WWOX: variants seen among roughly 807,000 people sequenced by gnomAD.
WWOX encodes the protein WW domain-containing oxidoreductase.
WWOX carries 69 observed loss-of-function variants against 46.2 expected under a neutral mutation model. That is an observed-to-expected ratio of 1.49 (90% CI 1.23 to 1.82). The LOEUF is 1.82. WWOX is among the 40% of genes most tolerant of loss of function. The pLI is 0.00. For synonymous variants in WWOX, 359 were observed against 202.6 expected, an observed-to-expected ratio of 1.77 and a Z score of -6.56; for missense variants, 919 against 542.6, an observed-to-expected ratio of 1.69 and a Z score of -6.89.
At chr16:78,357,998 G>T (rs1282888189) in intron 5 of WWOX, among the ~76,000 whole-genome samples, 3 of 152,182 alleles carry the variant, frequency 2.0e-5, no homozygotes, top group Non-Finnish European at 4.4e-5. Context: ...CGGAGATGTG[G>T]AGCTGTGCAT....
At chr16:78,632,371 G>T (rs142795395) in intron 8 of WWOX, among the ~76,000 whole-genome samples, 1 of 152,110 alleles carries the variant, frequency 6.6e-6, no homozygotes, top group Non-Finnish European at 1.5e-5. Flanking sequence ...AGTCATTATT[G>T]AGTTATTCCG....
chr16:78,160,096 C>G (rs2034742035), intron 4 of WWOX, among the ~76,000 whole-genome samples: 2 of 151,818 alleles, frequency 1.3e-5, no homozygotes, highest in South Asian at 4.2e-4. Context: ...TTCCATCGTT[C>G]TGCTTTCTTT....
At chr16:78,978,790 A>G (rs75592564) in intron 8 of WWOX, among the ~76,000 whole-genome samples, 4,932 of 152,160 alleles carry the variant, frequency 0.032, 269 homozygotes, top group African/African-American at 0.11. Flanking sequence ...GATACTGCTA[A>G]ATCATTTATG....
At chr16:78,962,583 A>G (rs1297412808) in intron 8 of WWOX, among the ~76,000 whole-genome samples, 9 of 152,140 alleles carry the variant, frequency 5.9e-5, no homozygotes, top group African/African-American at 1.2e-4. Context: ...GTGCCCAGAA[A>G]GAATGCCTGG....
intron 8 of WWOX, among the ~76,000 whole-genome samples, chr16:78,794,738 A>C (rs1484105638): frequency 6.6e-6 from 1 of 152,230 alleles, no homozygotes; most frequent in Non-Finnish European, 1.5e-5. Context: ...TATCAGAGTG[A>C]TGCTGTGGCT....
intron 8 of WWOX, among the ~76,000 whole-genome samples, chr16:79,176,519 A>T (rs947902882): frequency 1.3e-5 from 2 of 152,188 alleles, no homozygotes; most frequent in African/African-American, 4.8e-5. Context: ...TTTTCTCCCC[A>T]TTAGCATCTG....
At chr16:78,897,651 CATGTTTTTATGCCCTT>C (rs2044733758) in intron 8 of WWOX, 1 of 152,120 alleles carries the variant, frequency 6.6e-6, no homozygotes, top group African/African-American at 2.4e-5. Flanking sequence ...ATCCTGTATA[CATGTTTTTATGCCCTT>C]ATGTTTTTAT....
intron 8 of WWOX, among the ~76,000 whole-genome samples, chr16:78,574,537 C>T (rs1262235841): frequency 6.6e-6 from 1 of 152,010 alleles, no homozygotes; most frequent in Non-Finnish European, 1.5e-5. Context: ...TGTCTTATGG[C>T]CTGAAGATCT....
intron 8 of WWOX, among the ~76,000 whole-genome samples, chr16:79,143,128 G>C (rs2050121443): frequency 6.6e-6 from 1 of 152,174 alleles, no homozygotes. Context: ...GGGACTGTTT[G>C]TCATGGGGTC....
At chr16:78,552,551 C>T (rs1374904980) in intron 8 of WWOX, 6 of 152,284 alleles carry the variant, frequency 3.9e-5, no homozygotes, top group African/African-American at 1.2e-4. Flanking sequence ...GTCCAGGAGC[C>T]CCCTGAACTG....
intron 8 of WWOX, among the ~76,000 whole-genome samples, chr16:78,694,166 T>A (rs555756548): frequency 6.6e-6 from 1 of 152,230 alleles, no homozygotes; most frequent in Admixed American, 6.5e-5. Context: ...TGAGCTGAGA[T>A]CGCACTACTT....
intron 5 of WWOX, among the ~76,000 whole-genome samples, chr16:78,330,150 C>A (rs548205345): frequency 1.3e-5 from 2 of 152,064 alleles, no homozygotes; most frequent in Non-Finnish European, 2.9e-5. Flanking sequence ...TGAAAACATT[C>A]CTTAAAAATT....
intron 8 of WWOX, among the ~76,000 whole-genome samples, chr16:78,907,564 C>G (rs1289944408): frequency 6.6e-6 from 1 of 152,128 alleles, no homozygotes; most frequent in East Asian, 1.9e-4. Context: ...GGCCCAAGCC[C>G]AGGAATGACT....
At chr16:78,529,107 C>T (rs571720012) in intron 8 of WWOX, among the ~76,000 whole-genome samples, 1 of 151,516 alleles carries the variant, frequency 6.6e-6, no homozygotes, top group East Asian at 2.0e-4. Context: ...GTGCACACTA[C>T]CATGCCCAGC....
chr16:78,630,515 C>T (rs565624780), intron 8 of WWOX, among the ~76,000 whole-genome samples: 16 of 152,308 alleles, frequency 1.1e-4, no homozygotes, highest in African/African-American at 3.1e-4. Flanking sequence ...TAATACATTT[C>T]TCTGGTAGAC....
chr16:79,039,637 A>G (rs1295090304), intron 8 of WWOX, among the ~76,000 whole-genome samples: 1 of 152,148 alleles, frequency 6.6e-6, no homozygotes, highest in Non-Finnish European at 1.5e-5. Flanking sequence ...TTGACCCGGC[A>G]CCTCGGAAAG....
intron 8 of WWOX, among the ~76,000 whole-genome samples, chr16:78,513,633 C>T (rs1325921536): frequency 6.6e-6 from 1 of 152,176 alleles, no homozygotes; most frequent in East Asian, 1.9e-4. Flanking sequence ...CCTGTGAGTC[C>T]CACTGATACT....
chr16:78,433,383 C>A (rs2083266777), intron 8 of WWOX, among the ~76,000 whole-genome samples: 1 of 152,092 alleles, frequency 6.6e-6, no homozygotes, highest in Admixed American at 6.6e-5. Flanking sequence ...ATTTATCGAC[C>A]ATATTAAGAA....
chr16:78,100,220 A>T (rs1382182529), intron 1 of WWOX: 1 of 1,164,420 alleles, frequency 8.6e-7, no homozygotes, highest in East Asian at 7.6e-5. Flanking sequence ...TCCCTCCTGC[A>T]GGCTCTGGGT....
Sources: allele counts gnomAD v4.1 joint callset (sites outside exome capture counted in the v4.1 genomes callset), GRCh38; gene constraint gnomAD v4.1.1; transcripts MANE v1.5; gene names NCBI Gene and HGNC (gene_info 2026-07-23, HGNC 2026-07-21).